Variants in MACROD2 observed in about 807,000 individuals in gnomAD.
MACROD2 encodes mono-ADP ribosylhydrolase 2.
MACROD2 carries 36 observed loss-of-function variants against 70.4 expected under a neutral mutation model. The observed-to-expected ratio is 0.51, with a 90% CI of 0.39 to 0.68. The LOEUF (loss-of-function observed/expected upper bound fraction) is 0.68, where lower values mean the gene tolerates loss of function less well. MACROD2 is among the 30% of genes least tolerant of loss of function. MACROD2 has a pLI of 0.00. For missense variants in MACROD2, 496 were observed against 538.4 expected (o/e 0.92, Z 0.78); for synonymous variants, 172 against 178.8 (o/e 0.96, Z 0.30).
chr20:14,068,913 C>G (rs190686334), intron 2 of MACROD2, among the ~76,000 whole-genome samples: 1 of 152,186 alleles, frequency 6.6e-6, no homozygotes, highest in Admixed American at 6.5e-5. Flanking sequence ...TTTAACTTGA[C>G]CAGTACCATG....
chr20:15,112,527 AAAG>A (rs1178131216), intron 5 of MACROD2, among the ~76,000 whole-genome samples: 2 of 152,096 alleles, frequency 1.3e-5, no homozygotes, highest in Non-Finnish European at 2.9e-5. Flanking sequence ...TACTGTTAAG[AAAG>A]AAAAAAATGC....
chr20:15,826,258 A>G (rs1341508932), intron 8 of MACROD2, among the ~76,000 whole-genome samples: 2 of 152,172 alleles, frequency 1.3e-5, no homozygotes, highest in East Asian at 3.8e-4. Context: ...ATTATTTCAC[A>G]TTATTGTTGT....
chr20:15,693,545 C>A (rs1167435420), intron 8 of MACROD2, among the ~76,000 whole-genome samples: 1 of 152,036 alleles, frequency 6.6e-6, no homozygotes, highest in African/African-American at 2.4e-5. Flanking sequence ...CCCTGTGAAG[C>A]CGAGCAGAAT....
At chr20:15,367,764 G>A (rs1229218336) in intron 6 of MACROD2, among the ~76,000 whole-genome samples, 10 of 151,946 alleles carry the variant, frequency 6.6e-5, no homozygotes, top group South Asian at 4.1e-4. Context: ...TTATGTCCAC[G>A]AAGAAATTAT....
chr20:14,119,215 C>T (rs1225801690), intron 3 of MACROD2, among the ~76,000 whole-genome samples: 21 of 133,624 alleles, frequency 1.6e-4, no homozygotes, highest in African/African-American at 5.4e-4. Context: ...TTACCTGGGC[C>T]GGAGTTCAGT....
intron 8 of MACROD2, among the ~76,000 whole-genome samples, chr20:15,522,030 A>G (rs1052867229): frequency 6.6e-6 from 1 of 152,224 alleles, no homozygotes; most frequent in Non-Finnish European, 1.5e-5. Context: ...GAAGATCTCT[A>G]TTAGTTTGCC....
At chr20:15,050,541 T>G (rs1217102422) in intron 5 of MACROD2, among the ~76,000 whole-genome samples, 1 of 92,772 alleles carries the variant, frequency 1.1e-5, no homozygotes, top group Non-Finnish European at 2.4e-5. Flanking sequence ...GTCTTTTTTT[T>G]TTTTTTTTTT....
chr20:14,738,599 G>C (rs1303500167), intron 5 of MACROD2, among the ~76,000 whole-genome samples: 1 of 152,044 alleles, frequency 6.6e-6, no homozygotes, highest in East Asian at 1.9e-4. Flanking sequence ...GACACATTTT[G>C]AATGAGCAAA....
intron 4 of MACROD2, among the ~76,000 whole-genome samples, chr20:14,630,434 A>G (rs963347169): frequency 1.3e-5 from 2 of 152,240 alleles, no homozygotes; most frequent in Non-Finnish European, 2.9e-5. Flanking sequence ...TGAGGCTTTA[A>G]GAAGTAGGCC....
intron 5 of MACROD2, among the ~76,000 whole-genome samples, chr20:15,072,563 T>C (rs1225620971): frequency 1.3e-5 from 2 of 152,188 alleles, no homozygotes; most frequent in Non-Finnish European, 2.9e-5. Flanking sequence ...GGAGAAATGA[T>C]TCCTCTAAGG....
intron 3 of MACROD2, among the ~76,000 whole-genome samples, chr20:14,113,061 G>A (rs111715756): frequency 0.016 from 2,409 of 152,004 alleles, 25 homozygotes; most frequent in Non-Finnish European, 0.027. Context: ...TAAACTTGGT[G>A]TTGTGTAAAG....
chr20:14,287,783 T>G (rs2082356660), intron 3 of MACROD2, among the ~76,000 whole-genome samples: 1 of 152,104 alleles, frequency 6.6e-6, no homozygotes, highest in East Asian at 1.9e-4. Flanking sequence ...CTTGTGATTG[T>G]TGGACTGAGA....
chr20:15,542,868 T>G (rs1314560713), intron 8 of MACROD2, among the ~76,000 whole-genome samples: 1 of 152,168 alleles, frequency 6.6e-6, no homozygotes, highest in East Asian at 1.9e-4. Flanking sequence ...GGAGATCACG[T>G]GACATCCTTG....
chr20:14,822,471 C>T (rs2072857314), intron 5 of MACROD2, among the ~76,000 whole-genome samples: 2 of 152,092 alleles, frequency 1.3e-5, no homozygotes, highest in Non-Finnish European at 2.9e-5. Flanking sequence ...ATTTGGTGTG[C>T]TTGCAATGCT....
At chr20:14,127,776 G>T (rs927634416) in intron 3 of MACROD2, 7 of 446,968 alleles carry the variant, frequency 1.6e-5, no homozygotes, top group Non-Finnish European at 2.2e-5. Context: ...AGCAGGAGAA[G>T]AAGAGAAAGC....
intron 3 of MACROD2, among the ~76,000 whole-genome samples, chr20:14,195,933 C>T (rs908709187): frequency 6.6e-6 from 1 of 152,146 alleles, no homozygotes; most frequent in Non-Finnish European, 1.5e-5. Flanking sequence ...TCTGTCCCTA[C>T]GATAAGGCAG....
intron 5 of MACROD2, among the ~76,000 whole-genome samples, chr20:14,852,446 A>C (rs1380437737): frequency 6.6e-6 from 1 of 152,156 alleles, no homozygotes; most frequent in Non-Finnish European, 1.5e-5. Flanking sequence ...GAAGAGGGTG[A>C]CATGAAAGTT....
At chr20:15,486,243 G>C (rs1230134207) in intron 7 of MACROD2, among the ~76,000 whole-genome samples, 3 of 152,016 alleles carry the variant, frequency 2.0e-5, no homozygotes, top group Non-Finnish European at 2.9e-5. Flanking sequence ...CTTAAAAATT[G>C]AGCCCACCTA....
intron 6 of MACROD2, 130 bp downstream of exon 6, chr20:15,230,191 C>T (rs2076947755): frequency 1.3e-6 from 1 of 766,902 alleles, no homozygotes. Flanking sequence ...TCTTAGTAGC[C>T]GATTTGGTTA....
Sources: allele counts gnomAD v4.1 joint callset (sites outside exome capture counted in the v4.1 genomes callset), GRCh38; gene constraint gnomAD v4.1.1; transcripts MANE v1.5; gene names NCBI Gene and HGNC (gene_info 2026-07-23, HGNC 2026-07-21).